Variants in MGAT5B observed in about 807,000 individuals in gnomAD.
MGAT5B encodes alpha-1,6-mannosylglycoprotein 6-beta-N-acetylglucosaminyltransferase B.
In MGAT5B, 54 loss-of-function variants were observed where a neutral mutation model predicts 95.1. The observed-to-expected ratio is 0.57, with a 90% CI of 0.46 to 0.71. The LOEUF (loss-of-function observed/expected upper bound fraction) is 0.71, where lower values mean the gene tolerates loss of function less well. MGAT5B is among the 30% of genes least tolerant of loss of function. MGAT5B has a pLI of 0.00. For missense variants in MGAT5B, 935 were observed against 1,088.6 expected (o/e 0.86, Z 1.99); for synonymous variants, 464 against 451.0 (o/e 1.03, Z -0.36).
chr17:76,917,152 C>T lies in MGAT5B; in HGVS notation c.1026-7814C>T, dbSNP rs1968966117. 6.6e-6 allele frequency among the ~76,000 whole-genome samples: 1 copy of T among 152,186 alleles called. No individual in the cohort carries two copies. Among genetic ancestry groups the T allele is most frequent in the Non-Finnish European group, 1.5e-5 (1 of 68,038 alleles). ...GGTTTAGTGTGAGGATTTTGCACAC[C>T]AACCATCACTGCAAATATATTCAGC... On this transcript the variant is annotated intron_variant, in intron 8 of 17. Coordinates refer to ENST00000569840, the MANE Select transcript of MGAT5B (RefSeq NM_001199172.2). This position sits in a 1 kb window ranked among gnomAD's most constrained non-coding sequence, Gnocchi z 6.1.
intron 15 of MGAT5B, 67 bp from the exon 16 acceptor site, chr17:76,946,309 G>T: frequency 7.1e-7 from 1 of 1,406,664 alleles, no homozygotes. Flanking sequence ...CCCCAATGCC[G>T]AGCATGGCAG....
intron 10 of MGAT5B, among the ~76,000 whole-genome samples, chr17:76,931,245 C>A (rs376157061): frequency 6.6e-6 from 1 of 152,042 alleles, no homozygotes; most frequent in African/African-American, 2.4e-5. Flanking sequence ...AACAGGTGTG[C>A]GCCACCACAC....
Position 76,917,291 on chromosome 17 carries a change from A to G in MGAT5B, c.1026-7675A>G, listed in dbSNP as rs1041498604. ...GTCTCCGGCCTCTGCAGGGCCGTCCATAGTCATTTCTCAGCTGCCCCTGGC... is the reference window on the plus strand; with the variant it reads ...GTCTCCGGCCTCTGCAGGGCCGTCCGTAGTCATTTCTCAGCTGCCCCTGGC... On this transcript the variant is annotated intron_variant, in intron 8 of 17. Coordinates refer to ENST00000569840, the MANE Select transcript of MGAT5B (RefSeq NM_001199172.2). This position sits in a 1 kb window ranked among gnomAD's most constrained non-coding sequence, Gnocchi z 6.1. 1.8e-4 allele frequency among the ~76,000 whole-genome samples: 27 copies of G among 150,244 alleles called. 1 individual carries two copies. The highest frequency in any genetic ancestry group is 6.7e-4 in the Admixed American group (10 of 14,910).
intron 1 of MGAT5B, among the ~76,000 whole-genome samples, chr17:76,872,033 A>C (rs1349439299): frequency 6.6e-6 from 1 of 152,220 alleles, no homozygotes; most frequent in Non-Finnish European, 1.5e-5. Flanking sequence ...TGTTGAAGGC[A>C]GGAACAGGAG....
intron 3 of MGAT5B, among the ~76,000 whole-genome samples, chr17:76,897,396 C>T (rs980511977): frequency 1.3e-5 from 2 of 152,186 alleles, no homozygotes; most frequent in Admixed American, 1.3e-4. Flanking sequence ...TCAGCAGGGC[C>T]GTGTTCCTTC....
rs562755165 is a variant in MGAT5B, at chr17:76,915,744, G to A, written c.1026-9222G>A. ...CCCTCCCCGTTCCAAGAGGAGGCAC[G>A]AGAGGCCGACGATTACAATTCACTA... On this transcript the variant is annotated intron_variant, in intron 8 of 17. Transcript: ENST00000569840. The surrounding 1 kb of genome is among the most constrained non-coding windows in gnomAD (Gnocchi z 8.7). 1.8e-4 allele frequency among the ~76,000 whole-genome samples: 27 copies of A among 152,286 alleles called. No homozygotes were observed. The highest frequency in any genetic ancestry group is 7.2e-4 in the Admixed American group (11 of 15,296).
Position 76,872,879 on chromosome 17 carries a change from ACT to A in MGAT5B, c.102_103del (p.Cys35LeufsTer61). The A allele has an allele frequency of 6.2e-7, 1 of 1,612,922 alleles. No homozygotes were observed. Among genetic ancestry groups the A allele is most frequent in the Non-Finnish European group, 8.5e-7 (1 of 1,179,698 alleles). On this transcript the variant is annotated frameshift_variant, in exon 2 of 18. Transcript: ENST00000569840. LOFTEE classifies it high-confidence loss of function. Reference protein sequence around the residue: ...RLFVLGIGFFTLCFLMTSLGG... With the variant: ...RLFVLGIGFFXLCFLMTSLGG... Reference sequence around the variant, plus strand: ...TTTTGTCCTGGGCATCGGCTTCTTCACTCTCTGCTTCCTGATGACGTCTCTGG... The same window carrying A: ...TTTTGTCCTGGGCATCGGCTTCTTCACTCTGCTTCCTGATGACGTCTCTGG...
Position 76,906,366 on chromosome 17 carries a change from C to G in MGAT5B, c.1025+179C>G, listed in dbSNP as rs543732346. On this transcript the variant is annotated intron_variant, in intron 8 of 17. Coordinates refer to ENST00000569840, the MANE Select transcript of MGAT5B (RefSeq NM_001199172.2). This position sits in a 1 kb window ranked among gnomAD's most constrained non-coding sequence, Gnocchi z 4.6. ...CATCACCACTCCTAATCCCCCTCCTCCTGCCCGGTCTTGGGGGATGTGGCA... is the reference window on the plus strand; with the variant it reads ...CATCACCACTCCTAATCCCCCTCCTGCTGCCCGGTCTTGGGGGATGTGGCA... Among the ~76,000 whole-genome samples, 6 of 152,236 alleles carry G rather than the reference C, an allele frequency of 3.9e-5. No homozygotes were observed. In the East Asian group the frequency reaches 1.2e-3, roughly 29 times the overall value.
rs1968790813 is a variant in MGAT5B, at chr17:76,912,796, C to T, written c.1025+6609C>T. On this transcript the variant is annotated intron_variant, in intron 8 of 17. Transcript: ENST00000569840. This position sits in a 1 kb window ranked among gnomAD's most constrained non-coding sequence, Gnocchi z 5.0. The stretch of plus-strand genomic sequence containing the variant: ...CAAGGTGATGTCAGCCAGTCCCCGC[C>T]CGCGCCCCGCCGTGTGCGGAGGGAA... Among the ~76,000 whole-genome samples the T allele has an allele frequency of 6.6e-6, 1 of 152,140 alleles. No individual in the cohort carries two copies. Among genetic ancestry groups the T allele is most frequent in the African/African-American group, 2.4e-5 (1 of 41,436 alleles).
At position 76,949,181 on chromosome 17, in the gene MGAT5B, C is replaced by T. The variant is rs1599018379; in HGVS notation, c.*343C>T. The stretch of plus-strand genomic sequence containing the variant: ...GCAAGGCCGGATCTGGGCCAGGTGG[C>T]GAAAGGGGCCCAGTCGTTCTTGGGC... On this transcript the variant is annotated 3_prime_UTR_variant, in exon 18 of 18. Transcript: ENST00000569840. 3 of 290,084 alleles carry T rather than the reference C, an allele frequency of 1.0e-5. No homozygotes were observed. Among genetic ancestry groups the T allele is most frequent in the South Asian group, 5.8e-5 (1 of 17,200 alleles). 18.0% of individuals were successfully genotyped at this position (290,084 alleles called of 1,614,324 possible). A position where few individuals can be genotyped will look rare whatever the true frequency, so the allele number is the denominator to read the frequency against.
intron 3 of MGAT5B, among the ~76,000 whole-genome samples, chr17:76,897,413 T>C (rs1968103574): frequency 6.6e-6 from 1 of 152,160 alleles, no homozygotes; most frequent in African/African-American, 2.4e-5. Context: ...CTTCCAAAGC[T>C]CGAGGGGAGA....
chr17:76,887,042 T>TTACAAAACAAAAAA, intron 3 of MGAT5B, among the ~76,000 whole-genome samples: 1 of 57,936 alleles, frequency 1.7e-5, no homozygotes, highest in Non-Finnish European at 2.6e-5. Context: ...AGAGTCTGTC[T>TTACAAAACAAAAAA]CACAAAACAA....
rs1255525245 is a variant in MGAT5B, at chr17:76,917,121, A to G, written c.1026-7845A>G. 6.6e-6 allele frequency among the ~76,000 whole-genome samples: 1 copy of G among 152,172 alleles called. No homozygotes were observed. The highest frequency in any genetic ancestry group is 1.5e-5 in the Non-Finnish European group (1 of 68,034). On this transcript the variant is annotated intron_variant, in intron 8 of 17. Transcript: ENST00000569840. This position sits in a 1 kb window ranked among gnomAD's most constrained non-coding sequence, Gnocchi z 6.1. ...CTCAGTGGCCAATTAAATGCTCTCA[A>G]GTCCGGGTTTAGTGTGAGGATTTTG...
rs750716352 is a variant in MGAT5B at position 76,947,917 on chromosome 17, G to A, written c.2011G>A (p.Glu671Lys). ...FVLAPNATHL[E>K]WARNTSLAPG... ...CCTGGCCCCCAATGCCACCCACCTC[G>A]AGTGGGCTCGGAACACCAGCTTGGC... The change falls in exon 17 of 18, where the codon GAG becomes AAG. Residue 671 changes from glutamate (E) to lysine (K), a missense_variant. Glu to Lys is a moderately conservative substitution (Grantham distance 56, BLOSUM62 1). Coordinates refer to ENST00000569840, the MANE Select transcript of MGAT5B (RefSeq NM_001199172.2). 9 of 1,612,770 alleles carry A rather than the reference G, an allele frequency of 5.6e-6. No homozygotes were observed. The highest frequency in any genetic ancestry group is 4.5e-5 in the East Asian group (2 of 44,826).
rs930862617 is a variant in MGAT5B, at chr17:76,914,335, C to T, written c.1025+8148C>T. Among the ~76,000 whole-genome samples the T allele has an allele frequency of 1.2e-4, 18 of 152,224 alleles. No homozygotes were observed. Among genetic ancestry groups the T allele is most frequent in the East Asian group, 9.7e-4 (5 of 5,176 alleles). ...TCCTCCAAGGAGCTTGGCCAGGAGCCGGGAGGAGAAAGAGCGCAGGAGCAG... is the reference window on the plus strand; with the variant it reads ...TCCTCCAAGGAGCTTGGCCAGGAGCTGGGAGGAGAAAGAGCGCAGGAGCAG... On this transcript the variant is annotated intron_variant, in intron 8 of 17. Coordinates refer to ENST00000569840, the MANE Select transcript of MGAT5B (RefSeq NM_001199172.2). This position sits in a 1 kb window ranked among gnomAD's most constrained non-coding sequence, Gnocchi z 5.1.
Position 76,904,382 on chromosome 17 carries a change from C to A in MGAT5B, c.650C>A (p.Thr217Lys). 6.4e-7 allele frequency: 1 copy of A among 1,572,700 alleles called. No homozygotes were observed. Among genetic ancestry groups the A allele is most frequent in the Non-Finnish European group, 8.6e-7 (1 of 1,159,396 alleles). ...CCCCCGCTGCCCTGGAGGAACCAGACGGCTGCCCAGAGGGCACCCAAGCCC... is the reference window on the plus strand; with the variant it reads ...CCCCCGCTGCCCTGGAGGAACCAGAAGGCTGCCCAGAGGGCACCCAAGCCC... ...FCPPLPWRNQ[T>K]AAQRAPKPLP... Residue 217 changes from threonine to lysine, a missense_variant, in exon 6 of 18, where the codon ACG (threonine) becomes AAG (lysine). Physicochemically the swap from Thr to Lys is moderately conservative, Grantham distance 78. Around this residue, in one of 4 missense-constraint regions of MGAT5B, gnomAD observed 243 missense variants for 305.5 expected, o/e 0.80. Transcript: ENST00000569840.
Position 76,938,200 on chromosome 17 carries a change from A to AC in MGAT5B, c.1584+59dup. The AC allele has an allele frequency of 3.1e-6, 5 of 1,593,170 alleles. No homozygotes were observed. In the South Asian group the frequency reaches 4.5e-5, roughly 14 times the overall value. On this transcript the variant is annotated intron_variant, in intron 13 of 17. Coordinates refer to ENST00000569840, the MANE Select transcript of MGAT5B (RefSeq NM_001199172.2). The surrounding 1 kb of genome is among the most constrained non-coding windows in gnomAD (Gnocchi z 4.3). Reference sequence around the variant, plus strand: ...CTTGCCGGCTGCAGACACTGAGGTCACCACCCATGCCTGCCACCACCACTC... The same window carrying AC: ...CTTGCCGGCTGCAGACACTGAGGTCACCCACCCATGCCTGCCACCACCACTC...
In MGAT5B at chr17:76,903,359, T is replaced by A. The variant is rs149950533; in HGVS notation, c.502T>A (p.Cys168Ser). ...EAPSDPKFPD[C>S]SGKVEWMRAR... ...ACCCAGTGACCCCAAGTTCCCTGAC[T>A]GCTCAGGGAAGGTGGAGGTGAGGCC... Residue 168 changes from cysteine (C) to serine (S), a missense_variant, in exon 5 of 18, where the codon TGC becomes AGC. By Grantham distance (112) the Cys-to-Ser change is moderately radical. Transcript: ENST00000569840. 2 of 1,610,696 alleles carry A rather than the reference T, an allele frequency of 1.2e-6. No homozygotes were observed. The highest frequency in any genetic ancestry group is 1.7e-6 in the Non-Finnish European group (2 of 1,178,406).
At chr17:76,891,363 AG>A (rs1196604857) in intron 3 of MGAT5B, among the ~76,000 whole-genome samples, 1 of 151,832 alleles carries the variant, frequency 6.6e-6, no homozygotes, top group Non-Finnish European at 1.5e-5. Context: ...CATCACATTG[AG>A]GGTTAGGATT....
Sources: gnomAD v4.1 joint callset for allele counts (sites outside exome capture counted in the v4.1 genomes callset) on GRCh38, gnomAD v4.1.1 for gene constraint, gnomAD v4.1.1 regional missense constraint, Gnocchi (gnomAD v3.1) non-coding constraint, MANE v1.5 for transcripts, NCBI Gene and HGNC (gene_info 2026-07-23, HGNC 2026-07-21) for gene names.